Variants in ROBO2 observed in about 807,000 individuals in gnomAD.
ROBO2 encodes roundabout homolog 2.
ROBO2 carries 53 observed loss-of-function variants against 160.8 expected under a neutral mutation model. The ratio of observed to expected loss-of-function variants is 0.33; its 90% CI spans 0.26 to 0.41. The LOEUF is 0.41. ROBO2 is among the 10% of genes least tolerant of loss of function. The pLI is 1.00. For synonymous variants in ROBO2, 664 were observed against 611.7 expected, an observed-to-expected ratio of 1.09 and a Z score of -1.26; for missense variants, 1,577 against 1,722.4, an observed-to-expected ratio of 0.92 and a Z score of 1.49.
chr3:76,473,004 C>T (rs551900840), intron 2 of ROBO2, among the ~76,000 whole-genome samples: 3 of 150,956 alleles, frequency 2.0e-5, no homozygotes, highest in Non-Finnish European at 4.4e-5. Flanking sequence ...TCCAAAAATG[C>T]AATTTTTTTA....
chr3:76,771,171 G>A lies in ROBO2; in HGVS notation c.110-326843G>A, dbSNP rs573043019. 1.1e-4 allele frequency among the ~76,000 whole-genome samples: 17 copies of A among 151,258 alleles called. No individual in the cohort carries two copies. In the South Asian group the frequency reaches 3.5e-3, roughly 31 times the overall value. Reference sequence around the variant, plus strand: ...TACCCATATGTACAATTTGAGATGTGCTATTAGTTTGAAACATAACCAGAT... The same window carrying A: ...TACCCATATGTACAATTTGAGATGTACTATTAGTTTGAAACATAACCAGAT... On this transcript the variant is annotated intron_variant, in intron 2 of 26. Transcript: ENST00000487694.
intron 2 of ROBO2, among the ~76,000 whole-genome samples, chr3:77,276,243 GTC>G (rs763877691): frequency 3.8e-4 from 58 of 151,098 alleles, no homozygotes; most frequent in Non-Finnish European, 6.0e-4. Flanking sequence ...AAGAAAAAAT[GTC>G]TCTGATACCT....
At chr3:76,426,785 C>T (rs1428641743) in intron 2 of ROBO2, among the ~76,000 whole-genome samples, 3 of 152,052 alleles carry the variant, frequency 2.0e-5, no homozygotes. Flanking sequence ...CTAAGGTTTA[C>T]AGAATCTCTG....
At chr3:76,482,636 G>A (rs769205325) in intron 2 of ROBO2, among the ~76,000 whole-genome samples, 9 of 152,036 alleles carry the variant, frequency 5.9e-5, no homozygotes, top group South Asian at 2.1e-4. Context: ...GATTGTCTCC[G>A]TGGCAAGCCA....
chr3:77,545,517 C>G (rs2092665074), intron 6 of ROBO2, among the ~76,000 whole-genome samples: 2 of 151,978 alleles, frequency 1.3e-5, no homozygotes, highest in African/African-American at 4.8e-5. Flanking sequence ...CTGAGATTAC[C>G]TCTACCATTG....
At chr3:77,313,701 C>A (rs917359373) in intron 2 of ROBO2, among the ~76,000 whole-genome samples, 1 of 152,160 alleles carries the variant, frequency 6.6e-6, no homozygotes, top group Admixed American at 6.5e-5. Flanking sequence ...TCTCCTACCT[C>A]AACCTCCCGA....
chr3:76,430,308 A>C (rs2076385875), intron 2 of ROBO2, among the ~76,000 whole-genome samples: 2 of 152,146 alleles, frequency 1.3e-5, no homozygotes, highest in Admixed American at 1.3e-4. Flanking sequence ...ATCAATATGA[A>C]ATAAAAAATA....
chr3:77,567,157 G>A (rs1055348176), intron 12 of ROBO2, among the ~76,000 whole-genome samples: 1 of 151,712 alleles, frequency 6.6e-6, no homozygotes, highest in Middle Eastern at 3.2e-3. Context: ...CCCAATTTAA[G>A]TTAGTGCTCC....
At chr3:76,950,624 G>C (rs892544641) in intron 2 of ROBO2, among the ~76,000 whole-genome samples, 4 of 152,156 alleles carry the variant, frequency 2.6e-5, no homozygotes, top group Middle Eastern at 3.2e-3. Flanking sequence ...CTGGTTCATG[G>C]ATCACACTTT....
intron 2 of ROBO2, among the ~76,000 whole-genome samples, chr3:76,819,205 A>G (rs79355467): frequency 6.6e-6 from 1 of 152,202 alleles, no homozygotes; most frequent in Non-Finnish European, 1.5e-5. Context: ...AAGACACCTA[A>G]TCTAATCATG....
intron 5 of ROBO2, among the ~76,000 whole-genome samples, chr3:77,495,405 A>G (rs992676135): frequency 1.3e-5 from 2 of 152,208 alleles, no homozygotes; most frequent in Non-Finnish European, 1.5e-5. Context: ...GCAAAGCTTG[A>G]TAGGTAATAA....
intron 2 of ROBO2, among the ~76,000 whole-genome samples, chr3:76,822,957 T>G (rs1196497229): frequency 6.6e-6 from 1 of 152,080 alleles, no homozygotes; most frequent in Non-Finnish European, 1.5e-5. Flanking sequence ...CACTCTGCAC[T>G]GATCCTATAA....
chr3:76,185,215 T>TAGATATATATATATATATACAC lies in ROBO2; in HGVS notation c.109+247614_109+247615insGATATATATATATATATACACA. Among the ~76,000 whole-genome samples, 9 of 90,312 alleles carry TAGATATATATATATATATACAC rather than the reference T, an allele frequency of 1.0e-4. 1 individual carries two copies. Among genetic ancestry groups the TAGATATATATATATATATACAC allele is most frequent in the South Asian group, 4.0e-4 (1 of 2,498 alleles). The allele number at this position is 90,312 out of a possible 152,430, so 59.2% of individuals were successfully genotyped here. On this transcript the variant is annotated intron_variant, in intron 2 of 26. Coordinates refer to the ROBO2 transcript ENST00000487694. The stretch of plus-strand genomic sequence containing the variant: ...ACACAGATATATATATATATATATA[T>TAGATATATATATATATATACAC]ACACACACAAAGATGTTATATATAC...
intron 2 of ROBO2, among the ~76,000 whole-genome samples, chr3:76,119,774 T>C (rs551670089): frequency 1.1e-4 from 17 of 152,222 alleles, no homozygotes; most frequent in African/African-American, 3.6e-4. Flanking sequence ...GCAGGTCTCA[T>C]CAGTCATAGA....
chr3:77,212,936 T>C (rs2084385582), intron 2 of ROBO2, among the ~76,000 whole-genome samples: 2 of 152,204 alleles, frequency 1.3e-5, no homozygotes, highest in African/African-American at 4.8e-5. Context: ...CACTTGATCA[T>C]GGTGGATAAG....
At chr3:77,192,841 A>T in intron 2 of ROBO2, among the ~76,000 whole-genome samples, 1 of 151,268 alleles carries the variant, frequency 6.6e-6, no homozygotes, top group South Asian at 2.1e-4. Context: ...TTAAGTAGAG[A>T]TGGGGCTTCA....
intron 2 of ROBO2, among the ~76,000 whole-genome samples, chr3:76,667,579 A>AG (rs2092097895): frequency 6.6e-6 from 1 of 151,868 alleles, no homozygotes; most frequent in African/African-American, 2.4e-5. Flanking sequence ...ATCAGAAAAA[A>AG]CAACATTAAT....
intron 2 of ROBO2, among the ~76,000 whole-genome samples, chr3:76,741,711 T>TG (rs1192750978): frequency 2.5e-5 from 2 of 80,816 alleles, no homozygotes; most frequent in Non-Finnish European, 4.8e-5. Context: ...GTTTTTTCTC[T>TG]AATTTTTATC....
intron 1 of ROBO2, among the ~76,000 whole-genome samples, chr3:77,057,390 A>G (rs1271519585): frequency 1.3e-5 from 2 of 151,984 alleles, no homozygotes; most frequent in African/African-American, 4.8e-5. Flanking sequence ...CAGCACACCA[A>G]CATGGCACAT....
Sources: allele counts gnomAD v4.1 joint callset (sites outside exome capture counted in the v4.1 genomes callset), GRCh38; gene constraint gnomAD v4.1.1; transcripts MANE v1.5; gene names NCBI Gene and HGNC (gene_info 2026-07-23, HGNC 2026-07-21).